ZNF449: variants seen among roughly 807,000 people sequenced by gnomAD.
ZNF449 encodes zinc finger protein 449.
A neutral mutation model predicts 32.6 loss-of-function variants in ZNF449; 4 were observed. The ratio of observed to expected loss-of-function variants is 0.12; its 90% CI spans 0.06 to 0.28. The LOEUF is 0.28. ZNF449 is among the 10% of genes least tolerant of loss of function. The pLI is 1.00. For missense variants in ZNF449, 275 were observed against 383.2 expected (o/e 0.72, Z 2.36); for synonymous variants, 123 against 132.2 (o/e 0.93, Z 0.48).
At chrX:135,357,801 T>C (rs1027670274) in intron 3 of ZNF449, among the ~76,000 whole-genome samples, 3 of 111,394 alleles carry the variant, frequency 2.7e-5, no homozygotes, top group African/African-American at 9.8e-5. Context: ...GGCTCTCTTG[T>C]GGTTGCTACT....
At chrX:135,356,354 CT>C (rs2084917866) in intron 3 of ZNF449, among the ~76,000 whole-genome samples, 1 of 111,451 alleles carries the variant, frequency 9.0e-6, no homozygotes, top group Non-Finnish European at 1.9e-5. Flanking sequence ...CATTTTTATT[CT>C]AGCCATCCTA....
At chrX:135,352,165 G>A (rs1556450583) in intron 3 of ZNF449, among the ~76,000 whole-genome samples, 3 of 112,143 alleles carry the variant, frequency 2.7e-5, no homozygotes, top group African/African-American at 9.7e-5. Context: ...AATGGAAGAA[G>A]TCAATTGATT....
At chrX:135,351,205 G>A (rs1017364218) in intron 3 of ZNF449, among the ~76,000 whole-genome samples, 1 of 112,051 alleles carries the variant, frequency 8.9e-6, no homozygotes. Flanking sequence ...ACTACTGAAA[G>A]CAGGGACCCC....
Position 135,361,356 on chromosome X carries a change from G to A in ZNF449, c.*280G>A, listed in dbSNP as rs1208271495. ...GTGTTCCAAGGCAACTGTATCATAG[G>A]TGTAAACATAAAGCATATAAATTAT... On this transcript the variant is annotated 3_prime_UTR_variant, in exon 5 of 5. Transcript: ENST00000339249. 3 of 238,331 alleles carry A rather than the reference G, an allele frequency of 1.3e-5. No homozygotes were observed. Among genetic ancestry groups the A allele is most frequent in the Non-Finnish European group, 2.2e-5 (3 of 135,310 alleles). 19.6% of individuals were successfully genotyped at this position (238,331 alleles called of 1,213,427 possible).
intron 2 of ZNF449, chrX:135,347,824 A>G: frequency 4.6e-6 from 2 of 434,739 alleles, no homozygotes; most frequent in South Asian, 1.4e-4. Context: ...TCTGTATGTA[A>G]TGGTTTTTTT....
At chrX:135,345,629 T>G (rs1276157895) in intron 1 of ZNF449, among the ~76,000 whole-genome samples, 1 of 112,439 alleles carries the variant, frequency 8.9e-6, no homozygotes, top group Non-Finnish European at 1.9e-5. Flanking sequence ...TATCTTCTGT[T>G]ACAAAAGAGG....
In ZNF449 at chrX:135,349,376, G is replaced by A; in HGVS notation, c.559+62G>A. ...TTTTGAGAGTTCAGGAACTCTCAAG[G>A]GTTGGGGTTGGGTTAGAAACACCAA... On this transcript the variant is annotated intron_variant, in intron 3 of 4. Transcript: ENST00000339249. 3.7e-6 allele frequency: 4 copies of A among 1,073,837 alleles called. No homozygotes were observed. The South Asian group carries it at 8.3e-5, about 22-fold the overall frequency. 88.5% of individuals were successfully genotyped at this position (1,073,837 alleles called of 1,213,427 possible).
intron 2 of ZNF449, 170 bp downstream of exon 2, chrX:135,347,642 T>C: frequency 8.9e-7 from 1 of 1,128,405 alleles, no homozygotes; most frequent in Non-Finnish European, 1.2e-6. Context: ...TGCTTTTAAC[T>C]CTATCAGACT....
rs1556452949 is a variant in ZNF449, at chrX:135,359,992, T to C, written c.660T>C (p.Leu220=). Reference sequence around the variant, plus strand: ...ATTCTAAAGAAATGAAACAATTACTTGATTCCAAGATAGGTAAGTAATTGT... The same window carrying C: ...ATTCTAAAGAAATGAAACAATTACTCGATTCCAAGATAGGTAAGTAATTGT... ...LQDSKEMKQL[L]DSKIGFEIGI... Residue 220 remains leucine (L), a synonymous_variant, in exon 4 of 5, where the codon CTT becomes CTC. Coordinates refer to ENST00000339249, the MANE Select transcript of ZNF449 (RefSeq NM_152695.6). 7.6e-6 allele frequency: 9 copies of C among 1,179,962 alleles called. No homozygotes were observed. Among genetic ancestry groups the C allele is most frequent in the Middle Eastern group, 2.4e-4 (1 of 4,195 alleles).
rs1212593170 is a variant in ZNF449, at chrX:135,362,112, T to C, written c.*1036T>C. 1.8e-5 allele frequency: 2 copies of C among 112,005 alleles called. No homozygotes were observed. The highest frequency in any genetic ancestry group is 3.8e-5 in the Non-Finnish European group (2 of 53,129). 9.2% of individuals were successfully genotyped at this position (112,005 alleles called of 1,213,427 possible). A position where few individuals can be genotyped will look rare whatever the true frequency, so the allele number is the denominator to read the frequency against. ...ATTTCTATAGCTGTCAGTATAGTTATGTTGCTCCCAAGCCTAGTTATCTCC... is the reference window on the plus strand; with the variant it reads ...ATTTCTATAGCTGTCAGTATAGTTACGTTGCTCCCAAGCCTAGTTATCTCC... On this transcript the variant is annotated 3_prime_UTR_variant, in exon 5 of 5. Coordinates refer to ENST00000339249, the MANE Select transcript of ZNF449 (RefSeq NM_152695.6).
intron 2 of ZNF449, 128 bp downstream of exon 2, chrX:135,347,600 T>C (rs782291351): frequency 2.6e-6 from 3 of 1,163,187 alleles, no homozygotes; most frequent in Non-Finnish European, 3.4e-6. Context: ...CTCTTCCTTT[T>C]TCTCTTCTGC....
Position 135,361,271 on chromosome X carries a change from T to C in ZNF449, c.*195T>C, listed in dbSNP as rs1476435629. The stretch of plus-strand genomic sequence containing the variant: ...GTATTTATCTACTCCTGTGATTTTC[T>C]TAGATTTGATTTCTTCTGTCTGCAC... On this transcript the variant is annotated 3_prime_UTR_variant, in exon 5 of 5. Transcript: ENST00000339249. The C allele has an allele frequency of 1.3e-4, 40 of 319,877 alleles. No homozygotes were observed. In the East Asian group the frequency reaches 1.9e-3, roughly 15 times the overall value. The allele number at this position is 319,877 out of a possible 1,213,427, so 26.4% of individuals were successfully genotyped here.
rs782200209 is a variant in ZNF449, at chrX:135,359,927, T to A, written c.595T>A (p.Leu199Met). ...ACCAAAACTTGACATGAACTTCTCATTGGAGAATAGAGAAGAGCCATGGGT... is the reference window on the plus strand; with the variant it reads ...ACCAAAACTTGACATGAACTTCTCAATGGAGAATAGAGAAGAGCCATGGGT... The part of the protein sequence containing the change: ...PLPKLDMNFS[L>M]ENREEPWVKE... The change falls in exon 4 of 5, where the codon TTG (leucine) becomes ATG (methionine). Residue 199 changes from leucine to methionine, a missense_variant. Physicochemically the swap from Leu to Met is conservative, Grantham distance 15. Transcript: ENST00000339249. 8.3e-7 allele frequency: 1 copy of A among 1,198,663 alleles called. No homozygotes were observed. The highest frequency in any genetic ancestry group is 2.2e-5 in the Admixed American group (1 of 44,705).
rs1274078263 is a variant in ZNF449, at chrX:135,362,534, A to C, written c.*1458A>C. The C allele has an allele frequency of 8.9e-6, 1 of 112,650 alleles. No individual in the cohort carries two copies. The highest frequency in any genetic ancestry group is 1.9e-5 in the Non-Finnish European group (1 of 53,245). 9.3% of individuals were successfully genotyped at this position (112,650 alleles called of 1,213,427 possible). Reference sequence around the variant, plus strand: ...CATTGTCAGTTAAACCTGTTAAAACATGAAAATATTCATTGAGCCTAGTTC... The same window carrying C: ...CATTGTCAGTTAAACCTGTTAAAACCTGAAAATATTCATTGAGCCTAGTTC... On this transcript the variant is annotated 3_prime_UTR_variant, in exon 5 of 5. Coordinates refer to ENST00000339249, the MANE Select transcript of ZNF449 (RefSeq NM_152695.6).
chrX:135,360,117 A>C (rs782397742), intron 4 of ZNF449, 76 bp from the exon 5 acceptor site: 23 of 1,104,885 alleles, frequency 2.1e-5, no homozygotes, highest in Non-Finnish European at 2.6e-5. Context: ...CTGGTTTAAC[A>C]TAACTCTTCA....
chrX:135,357,707 G>T (rs1182872652), intron 3 of ZNF449, among the ~76,000 whole-genome samples: 1 of 111,314 alleles, frequency 9.0e-6, no homozygotes, highest in African/African-American at 3.3e-5. Flanking sequence ...CTTCCTGATG[G>T]ATTGATATTT....
At chrX:135,354,706 A>G (rs2084907092) in intron 3 of ZNF449, among the ~76,000 whole-genome samples, 1 of 111,585 alleles carries the variant, frequency 9.0e-6, no homozygotes, top group Non-Finnish European at 1.9e-5. Context: ...GAACCAAAGC[A>G]AAAGTACTCA....
intron 1 of ZNF449, among the ~76,000 whole-genome samples, chrX:135,345,809 A>G (rs782503801): frequency 9.0e-6 from 1 of 111,146 alleles, no homozygotes; most frequent in Admixed American, 9.5e-5. Flanking sequence ...CCTCCAGAGA[A>G]GAGGACAACT....
Position 135,360,400 on chromosome X carries a change from C to T in ZNF449, c.881C>T (p.Thr294Ile), listed in dbSNP as rs782769713. 4 of 1,211,192 alleles carry T rather than the reference C, an allele frequency of 3.3e-6. No individual in the cohort carries two copies. The South Asian group carries it at 5.3e-5, about 16-fold the overall frequency. ...AAACTGGTAGATCAGCAGAACCCCA[C>T]TCTGGGAGAGACACCTGAGAACTCC... The part of the protein sequence containing the change: ...LAKLVDQQNP[T>I]LGETPENSNL... Residue 294 changes from threonine to isoleucine, a missense_variant, in exon 5 of 5, where the codon ACT (threonine) becomes ATT (isoleucine). By Grantham distance (89) the Thr-to-Ile change is moderately conservative. Around this residue, in one of 3 missense-constraint regions of ZNF449, gnomAD observed 165 missense variants for 175.0 expected, o/e 0.94. Coordinates refer to ENST00000339249, the MANE Select transcript of ZNF449 (RefSeq NM_152695.6).
Sources: gnomAD v4.1 joint callset for allele counts (sites outside exome capture counted in the v4.1 genomes callset) on GRCh38, gnomAD v4.1.1 for gene constraint, gnomAD v4.1.1 regional missense constraint, MANE v1.5 for transcripts, NCBI Gene and HGNC (gene_info 2026-07-23, HGNC 2026-07-21) for gene names.